The following TNFAIP6 variants were observed in gnomAD, a reference collection of about 807,000 sequenced individuals.
TNFAIP6 encodes tumor necrosis factor-inducible gene 6 protein.
Under a neutral mutation model 33.7 loss-of-function variants are expected in TNFAIP6, and 36 were observed. The ratio of observed to expected loss-of-function variants is 1.07; its 90% CI spans 0.82 to 1.41. TNFAIP6 has a LOEUF of 1.41. Ranked by LOEUF, TNFAIP6 falls within the 40% of genes most tolerant of loss-of-function variation. TNFAIP6 has a pLI of 0.00. For missense variants in TNFAIP6, 273 were observed against 331.9 expected (o/e 0.82, Z 1.38); for synonymous variants, 113 against 112.8 (o/e 1.00, Z -0.01).
chr2:151,378,519 G>T (rs1443338539), intron 5 of TNFAIP6, among the ~76,000 whole-genome samples: 5 of 146,780 alleles, frequency 3.4e-5, no homozygotes, highest in Admixed American at 2.1e-4. Flanking sequence ...ACGGAGTTTT[G>T]CTCTTGTTGC....
chr2:151,379,340 C>A, intron 5 of TNFAIP6, 24 bp from the exon 6 acceptor site: 1 of 1,571,252 alleles, frequency 6.4e-7, no homozygotes, highest in South Asian at 1.2e-5. Context: ...CATCTTTGTT[C>A]TTTTGCCTCC....
Position 151,379,548 on chromosome 2 carries a change from ATGATC to A in TNFAIP6, c.*16_*20del. On this transcript the variant is annotated 3_prime_UTR_variant, in exon 6 of 6. Coordinates refer to ENST00000243347, the MANE Select transcript of TNFAIP6 (RefSeq NM_007115.4). ...GCCACTTATAAAAAAAAAAAAAAGGATGATCAAAACACACAGTGTTTATGTTGGAA... is the reference window on the plus strand; with the variant it reads ...GCCACTTATAAAAAAAAAAAAAAGGAAAAACACACAGTGTTTATGTTGGAA... The A allele has an allele frequency of 2.0e-6, 3 of 1,496,018 alleles. No homozygotes were observed. The highest frequency in any genetic ancestry group is 1.8e-6 in the Non-Finnish European group (2 of 1,114,904). 92.7% of individuals were successfully genotyped at this position (1,496,018 alleles called of 1,614,324 possible).
At chr2:151,371,626 C>G (rs1297770923) in intron 4 of TNFAIP6, among the ~76,000 whole-genome samples, 2 of 149,888 alleles carry the variant, frequency 1.3e-5, no homozygotes, top group Non-Finnish European at 3.0e-5. Context: ...GACGGAGTCT[C>G]ACTCTGTCAC....
At chr2:151,378,498 T>C (rs1335857387) in intron 5 of TNFAIP6, among the ~76,000 whole-genome samples, 1 of 151,854 alleles carries the variant, frequency 6.6e-6, no homozygotes, top group Non-Finnish European at 1.5e-5. Context: ...CTTCTTTTTT[T>C]TTTTTTTGAG....
intron 1 of TNFAIP6, among the ~76,000 whole-genome samples, chr2:151,363,248 G>A (rs536306611): frequency 1.3e-3 from 195 of 152,172 alleles, no homozygotes; most frequent in African/African-American, 3.9e-3. Context: ...CCCAGGAGGC[G>A]GAGATTGCAG....
intron 3 of TNFAIP6, among the ~76,000 whole-genome samples, chr2:151,369,372 C>T (rs1452038726): frequency 6.6e-6 from 1 of 151,834 alleles, no homozygotes; most frequent in African/African-American, 2.4e-5. Flanking sequence ...CCAGGTTGGC[C>T]TCAAACTCCT....
downstream of TNFAIP6, among the ~76,000 whole-genome samples, chr2:151,380,949 AT>A (rs1685002319): frequency 6.6e-6 from 1 of 152,200 alleles, no homozygotes; most frequent in East Asian, 1.9e-4. Context: ...GTATTCATCT[AT>A]ATTTTATTTT....
At chr2:151,364,844 A>G (rs1049712454) in intron 2 of TNFAIP6, among the ~76,000 whole-genome samples, 2 of 152,176 alleles carry the variant, frequency 1.3e-5, no homozygotes, top group Non-Finnish European at 2.9e-5. Flanking sequence ...TCCCCAGATG[A>G]CTGCTGGTCT....
chr2:151,378,132 A>C (rs550816088), intron 5 of TNFAIP6, among the ~76,000 whole-genome samples: 2 of 152,210 alleles, frequency 1.3e-5, no homozygotes, highest in South Asian at 4.1e-4. Flanking sequence ...AAGCTGGGGT[A>C]GAAGGATCAC....
chr2:151,369,065 T>A (rs1410986403), intron 3 of TNFAIP6, among the ~76,000 whole-genome samples: 1 of 152,104 alleles, frequency 6.6e-6, no homozygotes, highest in African/African-American at 2.4e-5. Context: ...TGGTGGCTCA[T>A]GCCTGTAATC....
rs1684560853 is a variant in TNFAIP6, at chr2:151,357,778, T to C, written c.94+18T>C. The C allele has an allele frequency of 2.1e-6, 3 of 1,452,202 alleles. No individual in the cohort carries two copies. Among genetic ancestry groups the C allele is most frequent in the Admixed American group, 1.7e-5 (1 of 59,606 alleles). 90.0% of individuals were successfully genotyped at this position (1,452,202 alleles called of 1,614,324 possible). ...ATGGCTTGGTAAGAACCTTCACTCA[T>C]GAGCCTCTTGTTGAGAATGTCAATT... On this transcript the variant is annotated intron_variant, in intron 1 of 5. Coordinates refer to ENST00000243347, the MANE Select transcript of TNFAIP6 (RefSeq NM_007115.4).
intron 5 of TNFAIP6, 38 bp from the exon 6 acceptor site, chr2:151,379,326 G>A: frequency 6.4e-7 from 1 of 1,551,350 alleles, no homozygotes; most frequent in Non-Finnish European, 8.7e-7. Flanking sequence ...TCAAAGGAGA[G>A]TAACATCTTT....
intron 5 of TNFAIP6, among the ~76,000 whole-genome samples, chr2:151,375,056 C>G (rs1684878769): frequency 7.1e-6 from 1 of 140,182 alleles, no homozygotes; most frequent in Admixed American, 8.3e-5. Context: ...ACCCGGGAGG[C>G]AGAGGTTGTG....
chr2:151,359,204 T>C (rs1293786517), intron 1 of TNFAIP6, among the ~76,000 whole-genome samples: 1 of 152,150 alleles, frequency 6.6e-6, no homozygotes, highest in African/African-American at 2.4e-5. Flanking sequence ...CTAGCACAGA[T>C]GTTTATAGTT....
At chr2:151,362,595 A>G (rs1340186307) in intron 1 of TNFAIP6, among the ~76,000 whole-genome samples, 1 of 135,656 alleles carries the variant, frequency 7.4e-6, no homozygotes, top group Non-Finnish European at 1.5e-5. Context: ...GGTTCATGTC[A>G]TTCTCCTGCC....
chr2:151,370,148 C>T lies in TNFAIP6; in HGVS notation c.523C>T (p.Leu175=), dbSNP rs1421549517. 3 of 1,614,064 alleles carry T rather than the reference C, an allele frequency of 1.9e-6. No individual in the cohort carries two copies. The South Asian group carries it at 3.3e-5, about 18-fold the overall frequency. The change falls in exon 4 of 6, where the codon CTG becomes TTG. Residue 175 remains leucine (L), a synonymous_variant. Coordinates refer to ENST00000243347, the MANE Select transcript of TNFAIP6 (RefSeq NM_007115.4). Reference sequence around the variant, plus strand: ...ACTCAAGTATGGTCAGCGTATTCACCTGAGTTTTTTAGATTTTGACCTTGA... The same window carrying T: ...ACTCAAGTATGGTCAGCGTATTCACTTGAGTTTTTTAGATTTTGACCTTGA... ...IRLKYGQRIH[L]SFLDFDLEDD... is the part of the protein sequence containing the mutation.
chr2:151,359,686 C>T (rs950125816), intron 1 of TNFAIP6, among the ~76,000 whole-genome samples: 1 of 152,176 alleles, frequency 6.6e-6, no homozygotes, highest in African/African-American at 2.4e-5. Context: ...CCGCACCTGG[C>T]CCAGGGAACT....
intron 3 of TNFAIP6, among the ~76,000 whole-genome samples, chr2:151,369,314 A>T (rs939870516): frequency 3.3e-5 from 5 of 152,160 alleles, no homozygotes; most frequent in African/African-American, 4.8e-5. Flanking sequence ...TAATTTTAAA[A>T]TTTATTTTTA....
intron 3 of TNFAIP6, among the ~76,000 whole-genome samples, chr2:151,368,065 T>C (rs1253401978): frequency 6.6e-6 from 1 of 152,084 alleles, no homozygotes; most frequent in Non-Finnish European, 1.5e-5. Context: ...CAACAAAGAT[T>C]GGATGCTATG....
Sources: gnomAD v4.1 joint callset for allele counts (sites outside exome capture counted in the v4.1 genomes callset) on GRCh38, gnomAD v4.1.1 for gene constraint, MANE v1.5 for transcripts, NCBI Gene and HGNC (gene_info 2026-07-23, HGNC 2026-07-21) for gene names.